Variants in MCOLN3 observed in about 807,000 individuals in gnomAD.
The protein encoded by MCOLN3 is mucolipin-3.
A neutral mutation model predicts 69.4 loss-of-function variants in MCOLN3; 62 were observed. The ratio of observed to expected loss-of-function variants is 0.89; its 90% confidence interval spans 0.73 to 1.10. The LOEUF (loss-of-function observed/expected upper bound fraction) is 1.10, where lower values mean the gene tolerates loss of function less well. Among genes scored for constraint, MCOLN3 ranks in the 50% least tolerant of loss-of-function variants. The probability of loss-of-function intolerance (pLI) is 0.00; values close to 1 mark genes in which losing one functional copy is unlikely to be tolerated. For synonymous variants in MCOLN3, 183 were observed against 217.0 expected (o/e 0.84, Z 1.38); for missense variants, 564 against 656.4 (o/e 0.86, Z 1.54).
At position 85,026,071 on chromosome 1, in the gene MCOLN3, GAAAA is replaced by G; in HGVS notation, c.959_962del (p.Phe320SerfsTer24). ...AAACTTCCTTCTTATAATGGAGGAG[GAAAA>G]AATTGACAAACTCCTTTAGGGAAAA... On this transcript the variant is annotated frameshift_variant, in exon 9 of 13. Coordinates refer to ENST00000370589, the MANE Select transcript of MCOLN3 (RefSeq NM_018298.11). LOFTEE classifies it high-confidence loss of function. 1 of 1,601,692 alleles carries G rather than the reference GAAAA, an allele frequency of 6.2e-7. No homozygotes were observed.
chr1:85,032,032 C>T (rs1190829235), intron 6 of MCOLN3, among the ~76,000 whole-genome samples: 1 of 151,978 alleles, frequency 6.6e-6, no homozygotes, highest in Admixed American at 6.6e-5. Context: ...GCCGAGATCG[C>T]GCCACTGCAC....
intron 3 of MCOLN3, among the ~76,000 whole-genome samples, chr1:85,037,835 A>G (rs1306195977): frequency 6.6e-6 from 1 of 152,310 alleles, no homozygotes; most frequent in African/African-American, 2.4e-5. Context: ...GAGGCCTTGG[A>G]GGAGCTTTAA....
At chr1:85,045,090 A>C (rs963757188) in intron 2 of MCOLN3, 43 bp downstream of exon 2, 13 of 1,497,174 alleles carry the variant, frequency 8.7e-6, no homozygotes, top group Non-Finnish European at 1.1e-5. Flanking sequence ...TATCTTTGTA[A>C]TTAAAAGAGG....
At position 85,018,854 on chromosome 1, in the gene MCOLN3, A is replaced by G; in HGVS notation, c.*269T>C. ...AGAGCAAAAGAGAGGCATACAGAAT[A>G]CATTCTAAAGCCATGGCAAAATAAA... is the stretch of plus-strand genomic sequence containing the variant. On this transcript the variant is annotated 3_prime_UTR_variant, in exon 13 of 13. Transcript: ENST00000370589. 1 of 344,418 alleles carries G rather than the reference A, an allele frequency of 2.9e-6. No individual in the cohort carries two copies. Among genetic ancestry groups the G allele is most frequent in the South Asian group, 3.6e-5 (1 of 28,112 alleles). 21.3% of individuals were successfully genotyped at this position (344,418 alleles called of 1,614,324 possible).
chr1:85,041,836 C>G (rs143141854), intron 2 of MCOLN3, among the ~76,000 whole-genome samples: 1 of 143,412 alleles, frequency 7.0e-6, no homozygotes, highest in East Asian at 2.1e-4. Context: ...TGCCATTGTA[C>G]TCCAGCCTGG....
chr1:85,023,255 A>T (rs1358442915), intron 9 of MCOLN3: 1 of 151,044 alleles, frequency 6.6e-6, no homozygotes, highest in African/African-American at 2.4e-5. Flanking sequence ...AATTTTTTTA[A>T]TTTTTTGTAG....
intron 3 of MCOLN3, among the ~76,000 whole-genome samples, chr1:85,038,757 A>C (rs996786823): frequency 1.3e-5 from 2 of 152,128 alleles, no homozygotes; most frequent in Admixed American, 1.3e-4. Context: ...TTGGGAGGCC[A>C]AGGCGGGCAG....
intron 9 of MCOLN3, 143 bp from the exon 10 acceptor site, chr1:85,022,543 C>T: frequency 1.7e-6 from 1 of 579,896 alleles, no homozygotes; most frequent in Non-Finnish European, 3.1e-6. Context: ...TCTCATAAAG[C>T]TTACATTCTA....
chr1:85,022,452 G>C, intron 9 of MCOLN3, 52 bp from the exon 10 acceptor site: 1 of 1,324,110 alleles, frequency 7.6e-7, no homozygotes, highest in Non-Finnish European at 1.1e-6. Context: ...AATTCATTTG[G>C]CAATAAATAT....
rs1267456217 is a variant in MCOLN3 at position 85,026,404 on chromosome 1, T to G, written c.833-120A>C. 4.0e-5 allele frequency: 28 copies of G among 697,804 alleles called. No individual in the cohort carries two copies. In the East Asian group the frequency reaches 5.1e-4, roughly 13 times the overall value. The allele number at this position is 697,804 out of a possible 1,614,324, so 43.2% of individuals were successfully genotyped here. On this transcript the variant is annotated intron_variant, in intron 7 of 12. Coordinates refer to ENST00000370589, the MANE Select transcript of MCOLN3 (RefSeq NM_018298.11). ...TTCTGGTAAGACAACAAAGAAGCCC[T>G]GATAAACGGTCTTCCAATTAGTATT...
At chr1:85,045,426 C>A in intron 1 of MCOLN3, 64 bp from the exon 2 acceptor site, 2 of 1,321,348 alleles carry the variant, frequency 1.5e-6, no homozygotes, top group South Asian at 1.4e-5. Flanking sequence ...AGACACAAGT[C>A]CATATTCTTT....
chr1:85,031,494 A>C (rs571533413), intron 6 of MCOLN3, among the ~76,000 whole-genome samples: 15 of 152,266 alleles, frequency 9.9e-5, no homozygotes, highest in African/African-American at 3.4e-4. Context: ...TCAAAATATC[A>C]CCTGTACCCC....
At chr1:85,043,544 A>C (rs900607323) in intron 2 of MCOLN3, among the ~76,000 whole-genome samples, 6 of 146,094 alleles carry the variant, frequency 4.1e-5, no homozygotes, top group African/African-American at 1.5e-4. Context: ...AAAAAAAAAG[A>C]ATTGAACATG....
intron 9 of MCOLN3, chr1:85,024,794 T>C (rs185098818): frequency 6.6e-6 from 1 of 152,244 alleles, no homozygotes; most frequent in African/African-American, 2.4e-5. Flanking sequence ...TTGTTTTGGT[T>C]TTTTATTTGT....
rs145219395 is a variant in MCOLN3 at position 85,028,372 on chromosome 1, T to C, written c.832+734A>G. 3.5e-4 allele frequency among the ~76,000 whole-genome samples: 53 copies of C among 152,336 alleles called. 1 individual carries two copies. The East Asian group carries it at 6.4e-3, about 18-fold the overall frequency. ...CCCACCCCAGACCTACTGGCTTGCA[T>C]AGAGCTGGGGAAACTGCATCATAGC... On this transcript the variant is annotated intron_variant, in intron 7 of 12. Transcript: ENST00000370589.
chr1:85,030,847 C>T (rs952647930), intron 6 of MCOLN3, among the ~76,000 whole-genome samples: 2 of 152,122 alleles, frequency 1.3e-5, no homozygotes, highest in Non-Finnish European at 2.9e-5. Context: ...AAAAAACAGT[C>T]AACCTACAAT....
At chr1:85,048,100 G>C (rs1653472770) in intron 1 of MCOLN3, among the ~76,000 whole-genome samples, 1 of 152,242 alleles carries the variant, frequency 6.6e-6, no homozygotes, top group Non-Finnish European at 1.5e-5. Flanking sequence ...GGCCACAGGT[G>C]GGCGGCGGCC....
chr1:85,047,578 T>C (rs1207621882), intron 1 of MCOLN3: 1 of 152,250 alleles, frequency 6.6e-6, no homozygotes, highest in Non-Finnish European at 1.5e-5. Flanking sequence ...AGGTTACCTG[T>C]TCCTGGCGGG....
intron 1 of MCOLN3, among the ~76,000 whole-genome samples, chr1:85,046,517 A>AAGGC (rs1557696429): frequency 6.6e-6 from 1 of 152,206 alleles, no homozygotes; most frequent in Non-Finnish European, 1.5e-5. Flanking sequence ...ACGGAATAGA[A>AAGGC]AGGCAGGCTT....
Sources: gnomAD v4.1 joint callset for allele counts (sites outside exome capture counted in the v4.1 genomes callset) on GRCh38, gnomAD v4.1.1 for gene constraint, MANE v1.5 for transcripts, NCBI Gene and HGNC (gene_info 2026-07-23, HGNC 2026-07-21) for gene names.